Variants in AFDN observed in about 807,000 individuals in gnomAD.
AFDN encodes the protein afadin, adherens junction formation factor.
AFDN carries 68 observed loss-of-function variants against 216.6 expected under a neutral mutation model. The ratio of observed to expected loss-of-function variants is 0.31; its 90% CI spans 0.26 to 0.38. AFDN has a LOEUF of 0.38. Among genes scored for constraint, AFDN ranks in the 10% least tolerant of loss-of-function variants. AFDN has a pLI of 1.00. For missense variants in AFDN, 2,136 were observed against 2,342.0 expected (o/e 0.91, Z 1.82); for synonymous variants, 868 against 853.7 (o/e 1.02, Z -0.29).
intron 4 of AFDN, among the ~76,000 whole-genome samples, chr6:167,873,401 C>G (rs1382797561): frequency 6.6e-6 from 1 of 152,144 alleles, no homozygotes; most frequent in Non-Finnish European, 1.5e-5. Context: ...AACGATTATA[C>G]AGTATTATAT....
At chr6:167,878,271 A>T (rs1447996516) in intron 5 of AFDN, among the ~76,000 whole-genome samples, 1 of 152,164 alleles carries the variant, frequency 6.6e-6, no homozygotes, top group Non-Finnish European at 1.5e-5. Flanking sequence ...AAAACGGGGC[A>T]CTAACCAAAA....
chr6:167,878,632 A>G (rs747878112), intron 5 of AFDN, among the ~76,000 whole-genome samples: 1 of 151,454 alleles, frequency 6.6e-6, no homozygotes, highest in Non-Finnish European at 1.5e-5. Context: ...TCATACACAT[A>G]GAACTTAAAC....
intron 9 of AFDN, among the ~76,000 whole-genome samples, chr6:167,895,120 T>A (rs575424333): frequency 2.6e-4 from 39 of 148,056 alleles, no homozygotes; most frequent in South Asian, 1.9e-3. Context: ...AGGGTAAAAA[T>A]TTTTTTTTTT....
intron 1 of AFDN, among the ~76,000 whole-genome samples, chr6:167,840,356 G>C (rs1393651355): frequency 6.6e-6 from 1 of 152,184 alleles, no homozygotes; most frequent in African/African-American, 2.4e-5. Context: ...GGATTATATG[G>C]CCTTTGCCCT....
chr6:167,898,172 A>T (rs1350228978), intron 10 of AFDN, 33 bp from the exon 11 acceptor site: 8 of 1,609,226 alleles, frequency 5.0e-6, no homozygotes, highest in Non-Finnish European at 6.8e-6. Flanking sequence ...GAACTTCATG[A>T]TGGGAGTTTC....
chr6:167,873,429 T>G (rs1784999084), intron 4 of AFDN, among the ~76,000 whole-genome samples: 1 of 152,280 alleles, frequency 6.6e-6, no homozygotes, highest in African/African-American at 2.4e-5. Context: ...CCATAATTTA[T>G]GTAACTAGTC....
chr6:167,918,155 G>T (rs1791339420), intron 20 of AFDN, among the ~76,000 whole-genome samples: 1 of 152,098 alleles, frequency 6.6e-6, no homozygotes, highest in Non-Finnish European at 1.5e-5. Flanking sequence ...TCATCTTTTT[G>T]ATCTGTACAG....
At chr6:167,857,389 A>G (rs1783027928) in intron 1 of AFDN, among the ~76,000 whole-genome samples, 1 of 152,110 alleles carries the variant, frequency 6.6e-6, no homozygotes, top group Non-Finnish European at 1.5e-5. Flanking sequence ...AATTAGATGA[A>G]GTAGAAACCA....
In AFDN at chr6:167,962,600, C is replaced by T; in HGVS notation, c.4968+33C>T. 6.2e-7 allele frequency: 1 copy of T among 1,613,490 alleles called. No individual in the cohort carries two copies. Among genetic ancestry groups the T allele is most frequent in the Non-Finnish European group, 8.5e-7 (1 of 1,179,466 alleles). On this transcript the variant is annotated intron_variant, in intron 31 of 33. Coordinates refer to ENST00000683244, the MANE Select transcript of AFDN (RefSeq NM_001386888.1). The surrounding 1 kb of genome is among the most constrained non-coding windows in gnomAD (Gnocchi z 5.2). ...TCCTTTAAGGGCAGCTAGAATTTTACCAAGTTAGCCTGAACGTAATCGATT... is the reference window on the plus strand; with the variant it reads ...TCCTTTAAGGGCAGCTAGAATTTTATCAAGTTAGCCTGAACGTAATCGATT...
chr6:167,840,283 C>T (rs1049070477), intron 1 of AFDN, among the ~76,000 whole-genome samples: 3 of 152,226 alleles, frequency 2.0e-5, no homozygotes, highest in Non-Finnish European at 4.4e-5. Flanking sequence ...TGTGAATATG[C>T]AGGCCCATTT....
intron 30 of AFDN, among the ~76,000 whole-genome samples, chr6:167,959,890 A>G (rs1021015408): frequency 2.6e-5 from 4 of 152,190 alleles, no homozygotes; most frequent in Non-Finnish European, 4.4e-5. Flanking sequence ...TTTTTAATCT[A>G]TTCTGCACTC....
At chr6:167,966,978 G>A (rs1267816698) in intron 32 of AFDN, among the ~76,000 whole-genome samples, 3 of 152,218 alleles carry the variant, frequency 2.0e-5, no homozygotes, top group East Asian at 1.9e-4. Flanking sequence ...TGCAGCTGCC[G>A]TTAGGGAAAC....
At chr6:167,844,198 G>A (rs1781384357) in intron 1 of AFDN, among the ~76,000 whole-genome samples, 1 of 151,396 alleles carries the variant, frequency 6.6e-6, no homozygotes, top group Non-Finnish European at 1.5e-5. Context: ...GTGTGTGTGT[G>A]TGTGTGTGTG....
At chr6:167,829,382 A>C (rs1266200053) in intron 1 of AFDN, among the ~76,000 whole-genome samples, 1 of 152,078 alleles carries the variant, frequency 6.6e-6, no homozygotes, top group Non-Finnish European at 1.5e-5. Flanking sequence ...AATATGAGTA[A>C]TTCTCTCAGC....
intron 6 of AFDN, among the ~76,000 whole-genome samples, chr6:167,882,027 G>A (rs1786177851): frequency 6.6e-6 from 1 of 152,070 alleles, no homozygotes. Context: ...TTTGAAAAAA[G>A]TACCTTTAAA....
intron 13 of AFDN, among the ~76,000 whole-genome samples, chr6:167,910,364 T>C (rs1790233929): frequency 6.6e-6 from 1 of 152,228 alleles, no homozygotes; most frequent in African/African-American, 2.4e-5. Flanking sequence ...ACCTAACTTT[T>C]GAATTAATTT....
intron 21 of AFDN, among the ~76,000 whole-genome samples, chr6:167,920,247 G>A (rs998764089): frequency 6.6e-6 from 1 of 152,146 alleles, no homozygotes; most frequent in Non-Finnish European, 1.5e-5. Context: ...GTTGGGGAAG[G>A]AGGAGGGCTG....
Position 167,896,873 on chromosome 6 carries a change from C to A in AFDN, c.1223-5C>A. 6.3e-7 allele frequency: 1 copy of A among 1,593,112 alleles called. No individual in the cohort carries two copies. Among genetic ancestry groups the A allele is most frequent in the Non-Finnish European group, 8.6e-7 (1 of 1,161,970 alleles). On this transcript the variant is annotated splice_polypyrimidine_tract_variant and splice_region_variant and intron_variant, in intron 9 of 33. Transcript: ENST00000683244. Reference sequence around the variant, plus strand: ...AATAGAGCTGTCTTCCTTCTCTTCTCACAGATGGTTCTGACTCTAGAGATA... The same window carrying A: ...AATAGAGCTGTCTTCCTTCTCTTCTAACAGATGGTTCTGACTCTAGAGATA...
At chr6:167,915,498 AGCAAGAGCTTC>A (rs1262516193) in intron 19 of AFDN, 65 bp downstream of exon 19, 1 of 1,521,834 alleles carries the variant, frequency 6.6e-7, no homozygotes, top group African/African-American at 1.4e-5. Flanking sequence ...CTTTATGATG[AGCAAGAGCTTC>A]AATGCAGCAA....
Sources: gnomAD v4.1 joint callset for allele counts (sites outside exome capture counted in the v4.1 genomes callset) on GRCh38, gnomAD v4.1.1 for gene constraint, Gnocchi (gnomAD v3.1) non-coding constraint, MANE v1.5 for transcripts, NCBI Gene and HGNC (gene_info 2026-07-23, HGNC 2026-07-21) for gene names.